HEATR1: variants seen among roughly 807,000 people sequenced by gnomAD.
The protein encoded by HEATR1 is HEAT repeat containing 1.
Under a neutral mutation model 248.2 loss-of-function variants are expected in HEATR1, and 77 were observed. The ratio of observed to expected loss-of-function variants is 0.31; its 90% CI spans 0.26 to 0.37. The LOEUF (loss-of-function observed/expected upper bound fraction) is 0.37, where lower values mean the gene tolerates loss of function less well. Among genes scored for constraint, HEATR1 ranks in the 10% least tolerant of loss-of-function variants. The pLI, the probability that HEATR1 is intolerant of heterozygous loss-of-function variation, is 1.00. For synonymous variants in HEATR1, 897 were observed against 923.1 expected, an observed-to-expected ratio of 0.97 and a Z score of 0.51; for missense variants, 2,420 against 2,504.9, an observed-to-expected ratio of 0.97 and a Z score of 0.72.
chr1:236,584,291 A>C (rs1417866696), intron 17 of HEATR1, among the ~76,000 whole-genome samples: 1 of 152,230 alleles, frequency 6.6e-6, no homozygotes, highest in Non-Finnish European at 1.5e-5. Flanking sequence ...AGAAACTAAA[A>C]GTTAAGAAGG....
At chr1:236,556,306 GACAA>G in intron 37 of HEATR1, 48 bp from the exon 38 acceptor site, 3 of 1,585,054 alleles carry the variant, frequency 1.9e-6, no homozygotes, top group South Asian at 1.1e-5. Context: ...GATCTTCGCT[GACAA>G]ACACACACTT....
rs1047302657 is a variant in HEATR1 at position 236,604,136 on chromosome 1, AC to A, written c.-32-10del. The A allele has an allele frequency of 1.8e-5, 28 of 1,530,982 alleles. No individual in the cohort carries two copies. Among genetic ancestry groups the A allele is most frequent in the Admixed American group, 4.9e-5 (2 of 41,052 alleles). 94.8% of individuals were successfully genotyped at this position (1,530,982 alleles called of 1,614,324 possible). ...AGTTTTAATGACACGGGCTAAAAAA[AC>A]GTAAGCACTTTGATAAGTTTCTACG... On this transcript the variant is annotated splice_polypyrimidine_tract_variant and intron_variant, in intron 1 of 44. Transcript: ENST00000366582.
Position 236,555,904 on chromosome 1 carries a change from C to T in HEATR1, c.5550G>A (p.Glu1850=), listed in dbSNP as rs368997955. The T allele has an allele frequency of 3.1e-6, 5 of 1,613,598 alleles. No homozygotes were observed. The African/African-American group carries it at 5.3e-5, about 17-fold the overall frequency. Residue 1850 remains glutamate (E), a synonymous_variant, in exon 39 of 45, where the codon GAG becomes GAA. Transcript: ENST00000366582. ...CTTCCTTCTTCATCACCCCAATATG[C>T]TCTTGCAAGATGCTCATAAACGGAC... ...HMGPFMSILQ[E]HIGVMKKEEL... is the part of the protein sequence containing the mutation.
In HEATR1 at chr1:236,587,990, A is replaced by C; in HGVS notation, c.1584T>G (p.Asp528Glu). The C allele has an allele frequency of 6.2e-7, 1 of 1,612,688 alleles. No individual in the cohort carries two copies. Among genetic ancestry groups the C allele is most frequent in the Non-Finnish European group, 8.5e-7 (1 of 1,179,246 alleles). Residue 528 changes from aspartate (D) to glutamate (E), a missense_variant, in exon 13 of 45, where the codon GAT becomes GAG. By Grantham distance (45) the Asp-to-Glu change is conservative (BLOSUM62 2). Transcript: ENST00000366582. ...IKEAVLARLG[D>E]DNIDVVLSAI... ...CCGACAAAACAACATCTATATTATC[A>C]TCACCTAATCGGGCTAAAACAGCTT... is the stretch of plus-strand genomic sequence containing the variant.
Position 236,550,605 on chromosome 1 carries a change from T to A in HEATR1, c.*297A>T. On this transcript the variant is annotated 3_prime_UTR_variant, in exon 45 of 45. Transcript: ENST00000366582. Reference sequence around the variant, plus strand: ...AGCTTTGGGTGCTAAAATTAACAAGTCTAATATTATTACCATCAATCAGGA... The same window carrying A: ...AGCTTTGGGTGCTAAAATTAACAAGACTAATATTATTACCATCAATCAGGA... 1 of 309,364 alleles carries A rather than the reference T, an allele frequency of 3.2e-6. No homozygotes were observed. Among genetic ancestry groups the A allele is most frequent in the Non-Finnish European group, 5.9e-6 (1 of 169,488 alleles). The allele number at this position is 309,364 out of a possible 1,614,324, so 19.2% of individuals were successfully genotyped here.
At position 236,604,125 on chromosome 1, in the gene HEATR1, G is replaced by A. The variant is rs758990423; in HGVS notation, c.-30C>T. On this transcript the variant is annotated splice_region_variant and 5_prime_UTR_variant, in exon 2 of 45. Coordinates refer to ENST00000366582, the MANE Select transcript of HEATR1 (RefSeq NM_018072.6). ...CACGCCAGCGGAGTTTTAATGACAC[G>A]GGCTAAAAAAACGTAAGCACTTTGA... 2.6e-6 allele frequency: 4 copies of A among 1,538,514 alleles called. No homozygotes were observed. Among genetic ancestry groups the A allele is most frequent in the South Asian group, 2.5e-5 (2 of 80,330 alleles).
At chr1:236,590,681 C>T (rs1030001859) in intron 12 of HEATR1, among the ~76,000 whole-genome samples, 166 bp downstream of exon 12, 3 of 152,086 alleles carry the variant, frequency 2.0e-5, no homozygotes, top group South Asian at 2.1e-4. Context: ...AAAATGGGGA[C>T]AACTGGCATA....
chr1:236,555,426 G>C lies in HEATR1; in HGVS notation c.5793C>G (p.Asp1931Glu). The stretch of plus-strand genomic sequence containing the variant: ...CCAAGTTGTAAAATGTCAACAACCT[G>C]TCCTTTGGGGCATCTTCTGTTTTAG... ...DWAKTEDAPK[D>E]RLLTFYNLAD... is the part of the protein sequence containing the mutation. Residue 1931 changes from aspartate (D) to glutamate (E), a missense_variant, in exon 41 of 45, where the codon GAC (aspartate) becomes GAG (glutamate). Coordinates refer to ENST00000366582, the MANE Select transcript of HEATR1 (RefSeq NM_018072.6). 1 of 1,614,222 alleles carries C rather than the reference G, an allele frequency of 6.2e-7. No homozygotes were observed. The highest frequency in any genetic ancestry group is 8.5e-7 in the Non-Finnish European group (1 of 1,180,040).
Position 236,564,701 on chromosome 1 carries a change from C to T in HEATR1, c.4436-40G>A, listed in dbSNP as rs764729892. 6.4e-6 allele frequency: 10 copies of T among 1,572,514 alleles called. No individual in the cohort carries two copies. The South Asian group carries it at 1.1e-4, about 18-fold the overall frequency. On this transcript the variant is annotated intron_variant, in intron 31 of 44. Coordinates refer to ENST00000366582, the MANE Select transcript of HEATR1 (RefSeq NM_018072.6). ...AAACAAGTGACCTTACTCATTTTCACCTGAATCCTTCATACAGAATTAACA... is the reference window on the plus strand; with the variant it reads ...AAACAAGTGACCTTACTCATTTTCATCTGAATCCTTCATACAGAATTAACA...
intron 19 of HEATR1, 91 bp downstream of exon 19, chr1:236,582,645 C>T (rs1420405065): frequency 4.2e-5 from 56 of 1,343,244 alleles, no homozygotes; most frequent in African/African-American, 7.2e-5. Context: ...TCAAGTGATC[C>T]GCCTGCCTCG....
At chr1:236,601,189 T>C (rs1558194295) in intron 3 of HEATR1, among the ~76,000 whole-genome samples, 1 of 152,132 alleles carries the variant, frequency 6.6e-6, no homozygotes, top group Non-Finnish European at 1.5e-5. Flanking sequence ...GTTAAAATCA[T>C]GTTTTCTTGA....
In HEATR1 at chr1:236,568,885, T is replaced by TTA. The variant is rs1553281992; in HGVS notation, c.4077+110_4077+111insTA. On this transcript the variant is annotated intron_variant, in intron 29 of 44. Transcript: ENST00000366582. The stretch of plus-strand genomic sequence containing the variant: ...GCTTTTATACAACTGTTGAGGATAT[T>TTA]AAAAAAAAAAAACAAAAAAAAAAAA... 30 of 316,210 alleles carry TTA rather than the reference T, an allele frequency of 9.5e-5. No homozygotes were observed. In the African/African-American group the frequency reaches 9.6e-4, roughly 10 times the overall value. 19.6% of individuals were successfully genotyped at this position (316,210 alleles called of 1,614,324 possible).
intron 1 of HEATR1, 42 bp downstream of exon 1, chr1:236,604,380 G>A: frequency 3.3e-6 from 1 of 300,558 alleles, no homozygotes; most frequent in Non-Finnish European, 6.0e-6. Context: ...TCGATATGCC[G>A]CCCCCATCCG....
intron 20 of HEATR1, among the ~76,000 whole-genome samples, chr1:236,578,623 G>T (rs1321776286): frequency 6.6e-6 from 1 of 152,026 alleles, no homozygotes; most frequent in Non-Finnish European, 1.5e-5. Flanking sequence ...TTATATTCTG[G>T]GCATGAACTC....
chr1:236,559,663 AT>A, intron 34 of HEATR1, 50 bp downstream of exon 34: 1 of 1,546,742 alleles, frequency 6.5e-7, no homozygotes, highest in Non-Finnish European at 8.8e-7. Context: ...TTTCACAATA[AT>A]TTAAAAAACA....
At chr1:236,567,405 T>C (rs1292872267) in intron 29 of HEATR1, among the ~76,000 whole-genome samples, 1 of 152,210 alleles carries the variant, frequency 6.6e-6, no homozygotes, top group Non-Finnish European at 1.5e-5. Context: ...AGGAGATTTA[T>C]TTTCTGTATG....
At chr1:236,553,264 TAAAAA>T (rs968970105) in intron 43 of HEATR1, among the ~76,000 whole-genome samples, 5 of 152,222 alleles carry the variant, frequency 3.3e-5, no homozygotes, top group Non-Finnish European at 7.3e-5. Context: ...CAATGGCACT[TAAAAA>T]AGAAGGAATT....
At chr1:236,559,865 C>T (rs374507593) in intron 33 of HEATR1, 28 bp from the exon 34 acceptor site, 45 of 1,578,314 alleles carry the variant, frequency 2.9e-5, no homozygotes, top group Admixed American at 5.3e-5. Context: ...GCTCAGCAAA[C>T]GGCAGCTGAA....
rs1662685788 is a variant in HEATR1, at chr1:236,550,645, G to A, written c.*257C>T. 2 of 403,382 alleles carry A rather than the reference G, an allele frequency of 5.0e-6. No individual in the cohort carries two copies. The highest frequency in any genetic ancestry group is 4.1e-5 in the Admixed American group (1 of 24,674). 25.0% of individuals were successfully genotyped at this position (403,382 alleles called of 1,614,324 possible). A position where few individuals can be genotyped will look rare whatever the true frequency, so the allele number is the denominator to read the frequency against. On this transcript the variant is annotated 3_prime_UTR_variant, in exon 45 of 45. Coordinates refer to ENST00000366582, the MANE Select transcript of HEATR1 (RefSeq NM_018072.6). ...ATCAATCAGGAAGAGAATAATAAAT[G>A]TTTAAACAAACACAGCAGTCTGTAT... is the stretch of plus-strand genomic sequence containing the variant.
Sources: gnomAD v4.1 joint callset for allele counts (sites outside exome capture counted in the v4.1 genomes callset) on GRCh38, gnomAD v4.1.1 for gene constraint, MANE v1.5 for transcripts, NCBI Gene and HGNC (gene_info 2026-07-23, HGNC 2026-07-21) for gene names.